Variants in PABPC4L observed in about 807,000 individuals in gnomAD.
PABPC4L encodes the protein polyadenylate-binding protein 4-like.
For missense variants in PABPC4L, 452 were observed against 451.4 expected (o/e 1.00, Z -0.01); for synonymous variants, 169 against 164.1 (o/e 1.03, Z -0.23).
the PABPC4L span, among the ~76,000 whole-genome samples, chr4:134,166,358 GA>G: frequency 5.9e-5 from 9 of 152,234 alleles, no homozygotes; most frequent in African/African-American, 2.2e-4. Context: ...CAATACCATA[GA>G]AATAAAAATA....
the PABPC4L span, among the ~76,000 whole-genome samples, chr4:134,035,113 C>G: frequency 6.6e-6 from 1 of 152,084 alleles, no homozygotes; most frequent in East Asian, 1.9e-4. Context: ...CTGCCAACAG[C>G]AAAAAGATTA....
the PABPC4L span, among the ~76,000 whole-genome samples, chr4:134,149,097 A>G: frequency 1.3e-5 from 2 of 152,102 alleles, no homozygotes; most frequent in African/African-American, 4.8e-5. Context: ...TACCTTTCCT[A>G]TATTGATTAC....
the PABPC4L span, among the ~76,000 whole-genome samples, chr4:134,045,175 C>T: frequency 6.6e-6 from 1 of 152,036 alleles, no homozygotes; most frequent in Non-Finnish European, 1.5e-5. Flanking sequence ...GAAATATCAG[C>T]TCTAAAACTG....
chr4:134,093,126 T>C, the PABPC4L span, among the ~76,000 whole-genome samples: 1 of 151,864 alleles, frequency 6.6e-6, no homozygotes, highest in African/African-American at 2.4e-5. Flanking sequence ...TAAAATAAAC[T>C]AGTGGTTTGT....
At chr4:134,102,763 C>T in the PABPC4L span, among the ~76,000 whole-genome samples, 3 of 150,990 alleles carry the variant, frequency 2.0e-5, no homozygotes, top group African/African-American at 7.3e-5. Context: ...TAATGATATC[C>T]ATAAAAAGGC....
chr4:134,068,651 A>G, the PABPC4L span, among the ~76,000 whole-genome samples: 5 of 151,576 alleles, frequency 3.3e-5, no homozygotes, highest in East Asian at 1.9e-4. Context: ...GGTGGCTATT[A>G]GGTGTTTTTC....
the PABPC4L span, among the ~76,000 whole-genome samples, chr4:134,042,770 T>C: frequency 6.6e-6 from 1 of 151,986 alleles, no homozygotes; most frequent in Non-Finnish European, 1.5e-5. Flanking sequence ...ACATAAACAA[T>C]AGTGAAGAAA....
chr4:134,186,769 G>GA, the PABPC4L span, among the ~76,000 whole-genome samples: 1 of 152,042 alleles, frequency 6.6e-6, no homozygotes, highest in African/African-American at 2.4e-5. Context: ...TACAGAATGG[G>GA]AAAAAATTTT....
chr4:134,042,031 G>A, the PABPC4L span, among the ~76,000 whole-genome samples: 2 of 152,152 alleles, frequency 1.3e-5, no homozygotes, highest in Non-Finnish European at 2.9e-5. Flanking sequence ...ATCAACAAAT[G>A]AGTGGATAAA....
the PABPC4L span, among the ~76,000 whole-genome samples, chr4:133,959,614 G>A: frequency 6.6e-6 from 1 of 152,280 alleles, no homozygotes; most frequent in African/African-American, 2.4e-5. Flanking sequence ...GTACCTCCTA[G>A]GCCATGTTTA....
At chr4:133,966,252 C>T in the PABPC4L span, among the ~76,000 whole-genome samples, 19 of 152,016 alleles carry the variant, frequency 1.2e-4, no homozygotes, top group African/African-American at 4.4e-4. Flanking sequence ...AAATCAAAAC[C>T]ACAATGTGAT....
the PABPC4L span, among the ~76,000 whole-genome samples, chr4:134,039,199 G>T: frequency 6.6e-6 from 1 of 151,976 alleles, no homozygotes. Context: ...TGTTCATTAT[G>T]ATTTCCATTC....
At chr4:134,142,286 T>A in the PABPC4L span, among the ~76,000 whole-genome samples, 1 of 151,678 alleles carries the variant, frequency 6.6e-6, no homozygotes, top group South Asian at 2.1e-4. Context: ...CTTTGGTTAG[T>A]CATTTGTAAA....
At position 134,197,033 on chromosome 4, in the gene PABPC4L, G is replaced by A. The variant is rs1173581870; in HGVS notation, c.*2874C>T. 1 of 151,666 alleles carries A rather than the reference G, an allele frequency of 6.6e-6. No individual in the cohort carries two copies. Among genetic ancestry groups the A allele is most frequent in the Non-Finnish European group, 1.5e-5 (1 of 67,632 alleles). 9.4% of individuals were successfully genotyped at this position (151,666 alleles called of 1,614,324 possible). A position where few individuals can be genotyped will look rare whatever the true frequency, so the allele number is the denominator to read the frequency against. On this transcript the variant is annotated 3_prime_UTR_variant, in exon 2 of 2. Transcript: ENST00000421491. ...AATATTTGAACAGTTTTACAGATTA[G>A]CTTTCCTAAATTAAGATGTAGACTA...
At chr4:134,013,112 A>C in the PABPC4L span, among the ~76,000 whole-genome samples, 1 of 151,548 alleles carries the variant, frequency 6.6e-6, no homozygotes, top group Non-Finnish European at 1.5e-5. Context: ...CAAGAACCCC[A>C]ACCCCTTCTC....
At chr4:134,180,989 C>CA in the PABPC4L span, among the ~76,000 whole-genome samples, 1 of 151,620 alleles carries the variant, frequency 6.6e-6, no homozygotes, top group African/African-American at 2.4e-5. Context: ...GAAACTATTC[C>CA]AAAAAATTGA....
the PABPC4L span, among the ~76,000 whole-genome samples, chr4:134,020,359 T>A: frequency 6.6e-6 from 1 of 152,106 alleles, no homozygotes; most frequent in Non-Finnish European, 1.5e-5. Context: ...AGGATTAATT[T>A]TCTTAATTAC....
At chr4:134,119,954 T>A in the PABPC4L span, among the ~76,000 whole-genome samples, 1 of 151,678 alleles carries the variant, frequency 6.6e-6, no homozygotes. Flanking sequence ...ACATTTTTAA[T>A]CCATTTTAAC....
At chr4:134,035,661 T>C in the PABPC4L span, among the ~76,000 whole-genome samples, 1 of 152,108 alleles carries the variant, frequency 6.6e-6, no homozygotes, top group South Asian at 2.1e-4. Context: ...CTTAATGTGT[T>C]TCTATTAGTC....
Sources: gnomAD v4.1 joint callset for allele counts (sites outside exome capture counted in the v4.1 genomes callset) on GRCh38, gnomAD v4.1.1 for gene constraint, MANE v1.5 for transcripts, NCBI Gene and HGNC (gene_info 2026-07-23, HGNC 2026-07-21) for gene names.